Variants in ERI1 observed in about 807,000 individuals in gnomAD.
The protein encoded by ERI1 is exoribonuclease 1, also known as 3'-5' exoribonuclease 1.
Under a neutral mutation model 39.7 loss-of-function variants are expected in ERI1, and 39 were observed. The ratio of observed to expected loss-of-function variants is 0.98; its 90% CI spans 0.76 to 1.28. The LOEUF is 1.28. ERI1 is among the 50% of genes most tolerant of loss of function. The pLI is 0.00. For synonymous variants in ERI1, 204 were observed against 149.6 expected, an observed-to-expected ratio of 1.36 and a Z score of -2.65; for missense variants, 581 against 416.9, an observed-to-expected ratio of 1.39 and a Z score of -3.43.
chr8:9,064,863 G>A (rs1390063679), intron 3 of ERI1, among the ~76,000 whole-genome samples: 2 of 152,178 alleles, frequency 1.3e-5, no homozygotes, highest in African/African-American at 4.8e-5. Context: ...TATTTCACCT[G>A]GGTGCAAGCG....
intron 3 of ERI1, among the ~76,000 whole-genome samples, chr8:9,053,807 T>G (rs1798429134): frequency 6.6e-6 from 1 of 152,162 alleles, no homozygotes; most frequent in South Asian, 2.1e-4. Flanking sequence ...CCTAAGAACT[T>G]TGGAGGAACT....
intron 3 of ERI1, among the ~76,000 whole-genome samples, chr8:9,090,291 T>C (rs566643843): frequency 1.3e-5 from 2 of 152,308 alleles, no homozygotes; most frequent in East Asian, 1.9e-4. Context: ...AGGTGCATTT[T>C]GCTGGTGGGA....
At chr8:9,020,702 G>T (rs559084458) in intron 6 of ERI1, among the ~76,000 whole-genome samples, 15 of 152,142 alleles carry the variant, frequency 9.9e-5, no homozygotes, top group Non-Finnish European at 2.1e-4. Flanking sequence ...GAAACTGTAG[G>T]GGCAGTCAGT....
At chr8:9,040,316 C>A (rs559425686) in intron 3 of ERI1, among the ~76,000 whole-genome samples, 3 of 152,164 alleles carry the variant, frequency 2.0e-5, no homozygotes, top group Non-Finnish European at 4.4e-5. Context: ...TCCCCTTTTA[C>A]GGAAGTTTAG....
intron 3 of ERI1, among the ~76,000 whole-genome samples, chr8:9,047,889 G>A: frequency 6.6e-6 from 1 of 152,332 alleles, no homozygotes; most frequent in African/African-American, 2.4e-5. Context: ...ACGCCCACCA[G>A]GCACCATGCC....
chr8:9,067,180 T>C (rs922688566), intron 3 of ERI1, among the ~76,000 whole-genome samples: 13 of 152,218 alleles, frequency 8.5e-5, no homozygotes, highest in Non-Finnish European at 1.6e-4. Context: ...GCCCCCATTA[T>C]TGATTTAGCT....
At chr8:9,020,588 C>T in intron 6 of ERI1, 124 bp downstream of exon 6, 1 of 601,140 alleles carries the variant, frequency 1.7e-6, no homozygotes, top group East Asian at 3.0e-5. Flanking sequence ...TTAGTTCTTA[C>T]TCTTCAGATT....
At chr8:9,012,067 C>T (rs574333336) in intron 3 of ERI1, among the ~76,000 whole-genome samples, 1 of 152,088 alleles carries the variant, frequency 6.6e-6, no homozygotes, top group Non-Finnish European at 1.5e-5. Context: ...GATGCCTGGC[C>T]CTAGTCCCAG....
At chr8:9,095,436 C>T (rs1799846193) in intron 3 of ERI1, among the ~76,000 whole-genome samples, 2 of 152,126 alleles carry the variant, frequency 1.3e-5, no homozygotes, top group Admixed American at 1.3e-4. Flanking sequence ...TTCAGCATTG[C>T]AAATTCAAAT....
chr8:9,070,898 A>C lies in ERI1; in HGVS notation n.300-45450A>C, dbSNP rs138295536. On this transcript the variant is annotated intron_variant and non_coding_transcript_variant, in intron 3 of 3. Coordinates refer to the ERI1 transcript ENST00000518663. Reference sequence around the variant, plus strand: ...TGTGTGCAGGGCCGGGCAGGGAATCATGGTGGTGGCCCCAGGTGGCAGGGT... The same window carrying C: ...TGTGTGCAGGGCCGGGCAGGGAATCCTGGTGGTGGCCCCAGGTGGCAGGGT... Among the ~76,000 whole-genome samples, 684 of 152,270 alleles carry C rather than the reference A, an allele frequency of 4.5e-3. 1 individual carries two copies. Among genetic ancestry groups the C allele is most frequent in the Non-Finnish European group, 7.4e-3 (503 of 68,012 alleles).
intron 3 of ERI1, among the ~76,000 whole-genome samples, chr8:9,087,024 A>AT (rs935647227): frequency 3.3e-4 from 49 of 148,634 alleles, no homozygotes; most frequent in Admixed American, 7.4e-4. Context: ...TTCTCATCTT[A>AT]TTTTTTTTTT....
intron 3 of ERI1, among the ~76,000 whole-genome samples, chr8:9,073,234 C>T (rs746991567): frequency 1.3e-5 from 2 of 152,332 alleles, no homozygotes; most frequent in East Asian, 3.9e-4. Context: ...TTGCAGAAGG[C>T]AGTATCTTAA....
At chr8:9,027,139 GTGTGTGTGTA>G (rs1347437833) in intron 6 of ERI1, among the ~76,000 whole-genome samples, 10 of 128,214 alleles carry the variant, frequency 7.8e-5, no homozygotes, top group African/African-American at 1.0e-4. Flanking sequence ...ATTTTCTGGT[GTGTGTGTGTA>G]TGTGTGTGTG....
At chr8:9,006,745 C>T (rs1337004958) in intron 1 of ERI1, among the ~76,000 whole-genome samples, 1 of 152,102 alleles carries the variant, frequency 6.6e-6, no homozygotes, top group African/African-American at 2.4e-5. Context: ...GGACAGTTCA[C>T]ACATTGGAAC....
At chr8:9,037,499 G>GTT (rs765490347), downstream of ERI1, among the ~76,000 whole-genome samples, 4 of 144,448 alleles carry the variant, frequency 2.8e-5, no homozygotes, top group Admixed American at 6.9e-5. Context: ...GTATTGTTGG[G>GTT]TTTTTTTTTT....
At chr8:9,061,268 C>T (rs1427933257) in intron 3 of ERI1, among the ~76,000 whole-genome samples, 1 of 152,052 alleles carries the variant, frequency 6.6e-6, no homozygotes, top group East Asian at 1.9e-4. Flanking sequence ...GGTGGATCAG[C>T]CAGATACAGT....
At position 9,032,006 on chromosome 8, in the gene ERI1, C is replaced by T. The variant is rs1055519712; in HGVS notation, c.*1972C>T. The T allele has an allele frequency of 6.6e-6, 1 of 152,208 alleles. No individual in the cohort carries two copies. Among genetic ancestry groups the T allele is most frequent in the Non-Finnish European group, 1.5e-5 (1 of 68,070 alleles). 9.4% of individuals were successfully genotyped at this position (152,208 alleles called of 1,614,324 possible). On this transcript the variant is annotated 3_prime_UTR_variant, in exon 7 of 7. Coordinates refer to ENST00000250263, the MANE Select transcript of ERI1 (RefSeq NM_153332.4). Reference sequence around the variant, plus strand: ...CTCCTGACCTCAAGTGATTTGCCCACCTTGACCTCCTACAGACGTGAGCCA... The same window carrying T: ...CTCCTGACCTCAAGTGATTTGCCCATCTTGACCTCCTACAGACGTGAGCCA...
chr8:9,056,296 C>T (rs1482301448), intron 3 of ERI1, among the ~76,000 whole-genome samples: 1 of 152,244 alleles, frequency 6.6e-6, no homozygotes, highest in Admixed American at 6.5e-5. Flanking sequence ...TGTCCTGCTC[C>T]TACCTCTGTT....
intron 3 of ERI1, among the ~76,000 whole-genome samples, chr8:9,093,520 A>AAAAG (rs1554443499): frequency 7.4e-5 from 11 of 149,224 alleles, no homozygotes; most frequent in Admixed American, 2.0e-4. Flanking sequence ...AAAAAAAAAA[A>AAAAG]AAGAAGAAGA....
Sources: gnomAD v4.1 joint callset for allele counts (sites outside exome capture counted in the v4.1 genomes callset) on GRCh38, gnomAD v4.1.1 for gene constraint, MANE v1.5 for transcripts, NCBI Gene and HGNC (gene_info 2026-07-23, HGNC 2026-07-21) for gene names.